Variants in HELB observed in about 807,000 individuals in gnomAD.
HELB encodes DNA 5'-3' helicase B.
HELB carries 96 observed loss-of-function variants against 101.7 expected under a neutral mutation model. That is an observed-to-expected ratio of 0.94 (90% CI 0.80 to 1.12). The LOEUF (loss-of-function observed/expected upper bound fraction) is 1.12. HELB is among the 50% of genes most tolerant of loss of function. The probability of loss-of-function intolerance (pLI) is 0.00; values close to 1 mark genes in which losing one functional copy is unlikely to be tolerated. For missense variants in HELB, 1,210 were observed against 1,291.9 expected, an observed-to-expected ratio of 0.94 and a Z score of 0.97; for synonymous variants, 437 against 459.7, an observed-to-expected ratio of 0.95 and a Z score of 0.63.
rs1400115296 is a variant in HELB at position 66,304,946 on chromosome 12, G to C, written c.403G>C (p.Glu135Gln). 27 of 1,613,896 alleles carry C rather than the reference G, an allele frequency of 1.7e-5. No individual in the cohort carries two copies. The highest frequency in any genetic ancestry group is 2.1e-5 in the Non-Finnish European group (25 of 1,179,918). Residue 135 changes from glutamate to glutamine, a missense_variant, in exon 2 of 13, where the codon GAG becomes CAG. Coordinates refer to ENST00000247815, the MANE Select transcript of HELB (RefSeq NM_001370285.1). ...HICALFLKECEVSSDDVNKFL... is the reference protein window; with the variant it reads ...HICALFLKECQVSSDDVNKFL... ...CTGTGCTCTCTTTCTTAAAGAGTGT[G>C]AGGTCTCCAGTGATGATGTTAATAA...
rs1374672971 is a variant in HELB at position 66,318,706 on chromosome 12, T to C, written c.2069T>C (p.Ile690Thr). 6.2e-7 allele frequency: 1 copy of C among 1,610,204 alleles called. No individual in the cohort carries two copies. The change falls in exon 7 of 13, where the codon ATC becomes ACC. Residue 690 changes from isoleucine to threonine, a missense_variant. Physicochemically the swap from Ile to Thr is moderately conservative, Grantham distance 89. This residue lies in a region of HELB where 740 missense variants were observed against 728.8 expected (regional missense o/e 1.02). Coordinates refer to ENST00000247815, the MANE Select transcript of HELB (RefSeq NM_001370285.1). ...LNISDNPTLP[I>T]SIQDKTFIFV... Reference sequence around the variant, plus strand: ...ATCTCTGATAATCCAACATTACCCATCTCAATTCAAGATAAGACATTTATT... The same window carrying C: ...ATCTCTGATAATCCAACATTACCCACCTCAATTCAAGATAAGACATTTATT...
At position 66,305,064 on chromosome 12, in the gene HELB, G is replaced by C. The variant is rs889214867; in HGVS notation, c.521G>C (p.Gly174Ala). 6.2e-7 allele frequency: 1 copy of C among 1,611,570 alleles called. No individual in the cohort carries two copies. Among genetic ancestry groups the C allele is most frequent in the African/African-American group, 1.3e-5 (1 of 74,728 alleles). ...CTAAGAACTTTCCACAAGGAAACTG[G>C]AAGGAAAGATCAAAAGCAGCCTACA... Reference protein sequence around the residue: ...ETLRTFHKETGRKDQKQPTQN... With the variant: ...ETLRTFHKETARKDQKQPTQN... Residue 174 changes from glycine to alanine, a missense_variant, in exon 2 of 13, where the codon GGA becomes GCA. Coordinates refer to ENST00000247815, the MANE Select transcript of HELB (RefSeq NM_001370285.1).
At chr12:66,326,583 T>G (rs562918080) in intron 11 of HELB, among the ~76,000 whole-genome samples, 9 of 152,090 alleles carry the variant, frequency 5.9e-5, no homozygotes, top group Non-Finnish European at 1.3e-4. Flanking sequence ...CAGCCCAAAT[T>G]TTCTACTAGT....
Position 66,318,703 on chromosome 12 carries a change from C to G in HELB, c.2066C>G (p.Pro689Arg). Residue 689 changes from proline to arginine, a missense_variant, in exon 7 of 13, where the codon CCC becomes CGC. Physicochemically the swap from Pro to Arg is moderately radical, Grantham distance 103. Around this residue, in one of 2 missense-constraint regions of HELB, gnomAD observed 740 missense variants for 728.8 expected, o/e 1.02. Transcript: ENST00000247815. ...ELNISDNPTL[P>R]ISIQDKTFIF... is the part of the protein sequence containing the mutation. Reference sequence around the variant, plus strand: ...AATATCTCTGATAATCCAACATTACCCATCTCAATTCAAGATAAGACATTT... The same window carrying G: ...AATATCTCTGATAATCCAACATTACGCATCTCAATTCAAGATAAGACATTT... 6.2e-7 allele frequency: 1 copy of G among 1,609,840 alleles called. No homozygotes were observed. Among genetic ancestry groups the G allele is most frequent in the Non-Finnish European group, 8.5e-7 (1 of 1,178,744 alleles).
chr12:66,306,363 T>A lies in HELB; in HGVS notation c.626T>A (p.Met209Lys). The stretch of plus-strand genomic sequence containing the variant: ...CTTGTAGTTCCATTTAGAAATGTAA[T>A]GACAGCTTTGCAGTTTCCGAAGATA... ...LENTIPFRNV[M>K]TALQFPKIME... The change falls in exon 3 of 13, where the codon ATG (methionine) becomes AAG (lysine). Residue 209 changes from methionine (M) to lysine (K), a missense_variant. By Grantham distance (95) the Met-to-Lys change is moderately conservative. Transcript: ENST00000247815. 1 of 1,593,314 alleles carries A rather than the reference T, an allele frequency of 6.3e-7. No homozygotes were observed. The highest frequency in any genetic ancestry group is 1.2e-5 in the South Asian group (1 of 86,548).
At position 66,322,014 on chromosome 12, in the gene HELB, T is replaced by A. The variant is rs751101089; in HGVS notation, c.2222T>A (p.Phe741Tyr). ...TTACAAAATGCAAAAACATCACAAT[T>A]TATTGCATTTAGAAGGTAAAGCATT... Reference protein sequence around the residue: ...NNLQNAKTSQFIAFRRQDCDL... With the variant: ...NNLQNAKTSQYIAFRRQDCDL... Residue 741 changes from phenylalanine to tyrosine, a missense_variant, in exon 8 of 13, where the codon TTT becomes TAT. This residue lies in a region of HELB where 740 missense variants were observed against 728.8 expected (regional missense o/e 1.02). Transcript: ENST00000247815. 8.8e-7 allele frequency: 1 copy of A among 1,138,538 alleles called. No individual in the cohort carries two copies. Among genetic ancestry groups the A allele is most frequent in the East Asian group, 2.6e-5 (1 of 38,276 alleles). 70.5% of individuals were successfully genotyped at this position (1,138,538 alleles called of 1,614,324 possible).
intron 3 of HELB, among the ~76,000 whole-genome samples, chr12:66,308,661 T>C (rs921455024): frequency 2.6e-5 from 4 of 152,188 alleles, no homozygotes; most frequent in African/African-American, 9.7e-5. Flanking sequence ...TTATCTCTTA[T>C]TAGTTCTTCA....
At chr12:66,333,736 C>G (rs1025540394) in intron 12 of HELB, among the ~76,000 whole-genome samples, 3 of 151,980 alleles carry the variant, frequency 2.0e-5, no homozygotes, top group Non-Finnish European at 4.4e-5. Flanking sequence ...GGCTAGTGAG[C>G]GAGGAAGAGG....
chr12:66,318,355 C>A (rs1261561566), intron 6 of HELB, among the ~76,000 whole-genome samples: 2 of 152,074 alleles, frequency 1.3e-5, no homozygotes, highest in African/African-American at 2.4e-5. Context: ...CAGAATGGTG[C>A]CTAGTAAATC....
chr12:66,326,394 C>G (rs910347353), intron 11 of HELB, among the ~76,000 whole-genome samples: 6 of 152,046 alleles, frequency 3.9e-5, no homozygotes, highest in Non-Finnish European at 8.8e-5. Context: ...AGGCACATGC[C>G]ACCACGCCTG....
intron 12 of HELB, among the ~76,000 whole-genome samples, chr12:66,333,578 C>T (rs925567252): frequency 6.6e-6 from 1 of 151,886 alleles, no homozygotes; most frequent in Non-Finnish European, 1.5e-5. Context: ...CCCCGCTACT[C>T]GAGAGGCTGA....
In HELB at chr12:66,310,090, T is replaced by A; in HGVS notation, c.1162T>A (p.Ser388Thr). The change falls in exon 4 of 13, where the codon TCT becomes ACT. Residue 388 changes from serine to threonine, a missense_variant. Physicochemically the swap from Ser to Thr is moderately conservative, Grantham distance 58 (BLOSUM62 1). Around this residue, in one of 2 missense-constraint regions of HELB, gnomAD observed 470 missense variants for 563.1 expected, o/e 0.83. Coordinates refer to ENST00000247815, the MANE Select transcript of HELB (RefSeq NM_001370285.1). ...TGTCGATGTCGAAAAGGTGCTTGCC[T>A]CTATTCACACCACAAAACCTGAGAA... Reference protein sequence around the residue: ...LCVDVEKVLASIHTTKPENSS... With the variant: ...LCVDVEKVLATIHTTKPENSS... The A allele has an allele frequency of 6.2e-7, 1 of 1,614,198 alleles. No homozygotes were observed. The highest frequency in any genetic ancestry group is 8.5e-7 in the Non-Finnish European group (1 of 1,180,034).
chr12:66,340,559 G>T (rs537966754), downstream of HELB: 27 of 144,400 alleles, frequency 1.9e-4, no homozygotes, highest in East Asian at 5.2e-3. Flanking sequence ...CTTTATTAGT[G>T]TATTAGTTAG....
chr12:66,319,928 G>T (rs2053651903), intron 7 of HELB, among the ~76,000 whole-genome samples: 3 of 142,982 alleles, frequency 2.1e-5, no homozygotes, highest in East Asian at 2.0e-4. Flanking sequence ...TTTTCATTCA[G>T]CAAATACTTA....
intron 1 of HELB, 84 bp downstream of exon 1, chr12:66,302,874 C>T (rs754340219): frequency 5.0e-6 from 6 of 1,208,802 alleles, no homozygotes; most frequent in Non-Finnish European, 6.8e-6. Flanking sequence ...AGCAAGGCAC[C>T]CAGTCGTGCT....
chr12:66,324,499 G>A (rs528800101), intron 10 of HELB: 2 of 293,668 alleles, frequency 6.8e-6, no homozygotes, highest in African/African-American at 4.3e-5. Context: ...TAATAAAATC[G>A]AAGTACTTGA....
At chr12:66,332,649 T>C (rs2053822756) in intron 12 of HELB, among the ~76,000 whole-genome samples, 1 of 152,216 alleles carries the variant, frequency 6.6e-6, no homozygotes, top group Admixed American at 6.5e-5. Flanking sequence ...TTTTATGTTA[T>C]TGTTGCTAAC....
chr12:66,323,312 C>G (rs1395741329), intron 9 of HELB, among the ~76,000 whole-genome samples: 1 of 151,874 alleles, frequency 6.6e-6, no homozygotes, highest in Middle Eastern at 3.4e-3. Flanking sequence ...AGGGAAGTTA[C>G]ACAAAAATCT....
chr12:66,324,455 A>T (rs2053712235), intron 10 of HELB: 1 of 356,016 alleles, frequency 2.8e-6, no homozygotes, highest in South Asian at 6.2e-5. Context: ...GCTTCTTCTT[A>T]TATTTTCTAG....
Sources: gnomAD v4.1 joint callset for allele counts (sites outside exome capture counted in the v4.1 genomes callset) on GRCh38, gnomAD v4.1.1 for gene constraint, gnomAD v4.1.1 regional missense constraint, MANE v1.5 for transcripts, NCBI Gene and HGNC (gene_info 2026-07-23, HGNC 2026-07-21) for gene names.